Variants in MCU observed in about 807,000 individuals in gnomAD.
MCU encodes the protein calcium uniporter protein, mitochondrial.
A neutral mutation model predicts 45.2 loss-of-function variants in MCU; 12 were observed. The ratio of observed to expected loss-of-function variants is 0.27; its 90% CI spans 0.17 to 0.43. The LOEUF (loss-of-function observed/expected upper bound fraction) is 0.43. Ranked by LOEUF, MCU falls within the 20% of genes least tolerant of loss-of-function variation. The pLI, the probability that MCU is intolerant of heterozygous loss-of-function variation, is 1.00. For synonymous variants in MCU, 160 were observed against 165.1 expected, an observed-to-expected ratio of 0.97 and a Z score of 0.24; for missense variants, 324 against 436.7, an observed-to-expected ratio of 0.74 and a Z score of 2.30.
intron 2 of MCU, among the ~76,000 whole-genome samples, chr10:72,855,451 A>G (rs1845274515): frequency 1.3e-5 from 2 of 151,840 alleles, no homozygotes; most frequent in South Asian, 2.1e-4. Context: ...GCACAGTTAC[A>G]TATGCCTATA....
intron 1 of MCU, among the ~76,000 whole-genome samples, chr10:72,765,146 G>T (rs1843708024): frequency 6.6e-6 from 1 of 150,416 alleles, no homozygotes; most frequent in African/African-American, 2.5e-5. Context: ...TTAATGAAAA[G>T]ATTTTTGTGT....
At chr10:72,757,865 C>T (rs1280129918) in intron 1 of MCU, among the ~76,000 whole-genome samples, 2 of 152,224 alleles carry the variant, frequency 1.3e-5, no homozygotes, top group South Asian at 4.1e-4. Flanking sequence ...TGTATATTCA[C>T]GTGTGCAGTG....
At chr10:72,708,645 C>G (rs1188661095) in intron 1 of MCU, among the ~76,000 whole-genome samples, 1 of 152,074 alleles carries the variant, frequency 6.6e-6, no homozygotes, top group African/African-American at 2.4e-5. Flanking sequence ...AATCCTTCTC[C>G]CCTGTGGGTA....
intron 2 of MCU, among the ~76,000 whole-genome samples, chr10:72,851,186 T>G (rs986536020): frequency 9.9e-5 from 15 of 152,210 alleles, no homozygotes; most frequent in African/African-American, 3.6e-4. Context: ...TTTCATTCCC[T>G]TGAAAAAAGC....
intron 1 of MCU, among the ~76,000 whole-genome samples, chr10:72,741,725 T>C (rs1843334348): frequency 6.6e-6 from 1 of 152,122 alleles, no homozygotes; most frequent in East Asian, 1.9e-4. Flanking sequence ...TGTATAGTCA[T>C]GCACTGCAAA....
chr10:72,857,964 G>A (rs974943304), intron 2 of MCU, among the ~76,000 whole-genome samples: 1 of 152,154 alleles, frequency 6.6e-6, no homozygotes, highest in Admixed American at 6.5e-5. Flanking sequence ...ACATTCAAGA[G>A]AACATGAATT....
chr10:72,728,772 G>A (rs1473909851), intron 1 of MCU, among the ~76,000 whole-genome samples: 1 of 152,130 alleles, frequency 6.6e-6, no homozygotes, highest in African/African-American at 2.4e-5. Context: ...AGAATGACTT[G>A]TTGAGAGTAG....
chr10:72,692,288 A>G lies in MCU; in HGVS notation c.137A>G (p.Gln46Arg). ...GGCGTCAGCCGCCACCGGCAGCAGC[A>G]GCACCACCGGACGGTGAGCGAGCGC... ...GLGVSRHRQQQHHRTVHQRIA... is the reference protein window; with the variant it reads ...GLGVSRHRQQRHHRTVHQRIA... Residue 46 changes from glutamine to arginine, a missense_variant, in exon 1 of 8, where the codon CAG (glutamine) becomes CGG (arginine). Gln to Arg is a conservative substitution (Grantham distance 43, BLOSUM62 1). Coordinates refer to ENST00000373053, the MANE Select transcript of MCU (RefSeq NM_138357.3). 8.2e-7 allele frequency: 1 copy of G among 1,223,950 alleles called. No homozygotes were observed. The highest frequency in any genetic ancestry group is 4.1e-5 in the South Asian group (1 of 24,248). 75.8% of individuals were successfully genotyped at this position (1,223,950 alleles called of 1,614,324 possible). A position where few individuals can be genotyped will look rare whatever the true frequency, so the allele number is the denominator to read the frequency against.
chr10:72,799,734 T>A (rs1044902000), intron 1 of MCU, among the ~76,000 whole-genome samples: 1 of 152,176 alleles, frequency 6.6e-6, no homozygotes, highest in Non-Finnish European at 1.5e-5. Context: ...GCAAAACCCA[T>A]GTCATTGTTT....
intron 1 of MCU, among the ~76,000 whole-genome samples, chr10:72,806,213 A>T (rs1844446447): frequency 7.0e-6 from 1 of 142,708 alleles, no homozygotes; most frequent in African/African-American, 2.7e-5. Flanking sequence ...GCTGGAGTGC[A>T]ATGGCACTAT....
intron 1 of MCU, among the ~76,000 whole-genome samples, chr10:72,737,588 C>T (rs1485835314): frequency 2.0e-5 from 3 of 151,176 alleles, no homozygotes; most frequent in Non-Finnish European, 2.9e-5. Flanking sequence ...GGTGCGATCT[C>T]AGCTCACTGC....
At chr10:72,794,797 C>T (rs558268612) in intron 1 of MCU, among the ~76,000 whole-genome samples, 97 of 152,188 alleles carry the variant, frequency 6.4e-4, no homozygotes, top group African/African-American at 2.3e-3. Context: ...ATCTGTGAGG[C>T]CTGCCCTTAA....
chr10:72,804,354 A>G (rs1664452579), intron 1 of MCU, among the ~76,000 whole-genome samples: 1 of 151,978 alleles, frequency 6.6e-6, no homozygotes, highest in Non-Finnish European at 1.5e-5. Context: ...CTCTCAAAAT[A>G]CTAGGATTAC....
intron 2 of MCU, among the ~76,000 whole-genome samples, chr10:72,849,076 C>T (rs1333221875): frequency 6.6e-6 from 1 of 151,836 alleles, no homozygotes; most frequent in Non-Finnish European, 1.5e-5. Context: ...GTCAGGCATT[C>T]GAGACCAGCC....
chr10:72,796,427 A>T (rs1366683737), intron 1 of MCU, among the ~76,000 whole-genome samples: 1 of 152,194 alleles, frequency 6.6e-6, no homozygotes, highest in Non-Finnish European at 1.5e-5. Flanking sequence ...TCTCTAAAAA[A>T]CCACAATAAC....
At chr10:72,840,506 A>T (rs1219380642) in intron 2 of MCU, among the ~76,000 whole-genome samples, 4 of 152,212 alleles carry the variant, frequency 2.6e-5, no homozygotes, top group African/African-American at 9.6e-5. Flanking sequence ...AAGTCATGTT[A>T]GTAACTGTTG....
At chr10:72,826,645 A>G (rs1429127958) in intron 1 of MCU, among the ~76,000 whole-genome samples, 2 of 152,248 alleles carry the variant, frequency 1.3e-5, no homozygotes, top group Admixed American at 6.5e-5. Flanking sequence ...TTTACTCTCA[A>G]TAAAATTCTT....
chr10:72,745,705 T>C lies in MCU; in HGVS notation c.150+53404T>C, dbSNP rs139809391. Among the ~76,000 whole-genome samples, 20 of 152,300 alleles carry C rather than the reference T, an allele frequency of 1.3e-4. No individual in the cohort carries two copies. In the East Asian group the frequency reaches 3.5e-3, roughly 26 times the overall value. On this transcript the variant is annotated intron_variant, in intron 1 of 7. Transcript: ENST00000373053. Reference sequence around the variant, plus strand: ...GGTATATTACCATATATCATTACCATAAAATGGTATATTACCATTATGTGG... The same window carrying C: ...GGTATATTACCATATATCATTACCACAAAATGGTATATTACCATTATGTGG...
intron 4 of MCU, among the ~76,000 whole-genome samples, chr10:72,868,222 C>T (rs1204307584): frequency 3.3e-5 from 5 of 152,038 alleles, no homozygotes; most frequent in Non-Finnish European, 7.4e-5. Flanking sequence ...TATGAATTTA[C>T]TTTTTACATT....
Sources: allele counts gnomAD v4.1 joint callset (sites outside exome capture counted in the v4.1 genomes callset), GRCh38; gene constraint gnomAD v4.1.1; transcripts MANE v1.5; gene names NCBI Gene and HGNC (gene_info 2026-07-23, HGNC 2026-07-21).